The following WDR43 variants were observed in gnomAD, a reference collection of about 807,000 sequenced individuals.
WDR43 encodes the protein WD repeat-containing protein 43.
In WDR43, 13 loss-of-function variants were observed where a neutral mutation model predicts 91.4. The observed-to-expected ratio is 0.14, with a 90% CI of 0.09 to 0.23. WDR43 has a LOEUF of 0.23. Ranked by LOEUF, WDR43 falls within the 10% of genes least tolerant of loss-of-function variation. The probability of loss-of-function intolerance (pLI) is 1.00; values close to 1 mark genes in which losing one functional copy is unlikely to be tolerated. For synonymous variants in WDR43, 331 were observed against 287.9 expected (o/e 1.15, Z -1.51); for missense variants, 780 against 809.4 (o/e 0.96, Z 0.44).
intron 16 of WDR43, among the ~76,000 whole-genome samples, chr2:28,943,963 G>A (rs2148201666): frequency 6.6e-6 from 1 of 152,260 alleles, no homozygotes; most frequent in South Asian, 2.1e-4. Context: ...ATCAAGTGCA[G>A]TCCCAAAGTG....
intron 5 of WDR43, among the ~76,000 whole-genome samples, chr2:28,917,597 T>G (rs1670937543): frequency 6.6e-6 from 1 of 152,202 alleles, no homozygotes; most frequent in South Asian, 2.1e-4. Context: ...ATCATGACAG[T>G]GTGGTATTAG....
At chr2:28,919,790 C>A (rs538767101) in intron 6 of WDR43, among the ~76,000 whole-genome samples, 2 of 152,156 alleles carry the variant, frequency 1.3e-5, no homozygotes, top group African/African-American at 4.8e-5. Flanking sequence ...ATATTCTGAT[C>A]GTAGGGAACT....
intron 11 of WDR43, among the ~76,000 whole-genome samples, chr2:28,933,819 C>T (rs532283811): frequency 1.3e-5 from 2 of 152,082 alleles, no homozygotes; most frequent in African/African-American, 2.4e-5. Flanking sequence ...GATAAAAATG[C>T]GAAAGACAGA....
chr2:28,907,508 G>A (rs1443262065), intron 3 of WDR43, among the ~76,000 whole-genome samples: 2 of 149,768 alleles, frequency 1.3e-5, no homozygotes, highest in South Asian at 2.1e-4. Flanking sequence ...CCCCAGATAC[G>A]AGTCTGAAGT....
At chr2:28,936,024 G>T (rs1481969745) in intron 12 of WDR43, among the ~76,000 whole-genome samples, 2 of 152,092 alleles carry the variant, frequency 1.3e-5, no homozygotes, top group East Asian at 3.9e-4. Context: ...ATTTTTATAT[G>T]TATTGATTTT....
intron 7 of WDR43, 81 bp downstream of exon 7, chr2:28,923,064 T>A (rs1336943758): frequency 8.6e-7 from 1 of 1,167,680 alleles, no homozygotes; most frequent in Non-Finnish European, 1.2e-6. Flanking sequence ...TGGTTATTCT[T>A]TGCATCATAT....
chr2:28,937,384 A>T (rs911698109), intron 13 of WDR43, among the ~76,000 whole-genome samples: 1 of 151,888 alleles, frequency 6.6e-6, no homozygotes, highest in Non-Finnish European at 1.5e-5. Context: ...TATTATCATC[A>T]GTATCTAGAT....
intron 4 of WDR43, 71 bp downstream of exon 4, chr2:28,912,781 C>T (rs1441520587): frequency 6.4e-7 from 1 of 1,552,478 alleles, no homozygotes; most frequent in South Asian, 1.2e-5. Context: ...AAGTTTGAAC[C>T]ATAAGATATT....
At chr2:28,944,771 G>A (rs533519606) in intron 16 of WDR43, among the ~76,000 whole-genome samples, 40 of 152,324 alleles carry the variant, frequency 2.6e-4, no homozygotes, top group African/African-American at 8.7e-4. Flanking sequence ...TGCAACATTC[G>A]ATTTGATAAC....
chr2:28,929,559 C>T lies in WDR43; in HGVS notation c.1306-20C>T, dbSNP rs368090937. The T allele has an allele frequency of 4.5e-6, 7 of 1,562,184 alleles. No homozygotes were observed. In the South Asian group the frequency reaches 6.2e-5, roughly 14 times the overall value. On this transcript the variant is annotated intron_variant, in intron 10 of 17. Coordinates refer to ENST00000407426, the MANE Select transcript of WDR43 (RefSeq NM_015131.3). ...TAAGTCTTGTCTGGTAACACATTAA[C>T]AATCCTTTCTGTTCTGTAGGTTAGC... is the stretch of plus-strand genomic sequence containing the variant.
intron 3 of WDR43, among the ~76,000 whole-genome samples, chr2:28,911,629 G>C (rs1225982419): frequency 2.8e-5 from 4 of 144,828 alleles, no homozygotes; most frequent in African/African-American, 5.1e-5. Flanking sequence ...GGTTCCTACT[G>C]TTACTTGCCT....
At chr2:28,913,892 G>A (rs1482328591) in intron 4 of WDR43, 177 bp from the exon 5 acceptor site, 1 of 798,500 alleles carries the variant, frequency 1.3e-6, no homozygotes, top group Non-Finnish European at 2.0e-6. Flanking sequence ...TTTTTAAAAA[G>A]TGGGAGAATT....
chr2:28,927,780 G>T, intron 10 of WDR43, 80 bp downstream of exon 10: 1 of 1,560,576 alleles, frequency 6.4e-7, no homozygotes, highest in Non-Finnish European at 8.7e-7. Context: ...GTTGGATAGA[G>T]CCAAAGTTAA....
At chr2:28,916,665 C>T (rs548327285) in intron 5 of WDR43, among the ~76,000 whole-genome samples, 7 of 152,176 alleles carry the variant, frequency 4.6e-5, no homozygotes, top group East Asian at 1.9e-4. Context: ...ATCCCTATAT[C>T]GGTTCTCGTT....
chr2:28,923,068 A>G (rs1390079930), intron 7 of WDR43, 85 bp downstream of exon 7: 6 of 1,129,538 alleles, frequency 5.3e-6, no homozygotes, highest in Non-Finnish European at 3.8e-6. Context: ...TATTCTTTGC[A>G]TCATATTACT....
intron 6 of WDR43, 56 bp downstream of exon 6, chr2:28,918,051 C>T (rs1670950056): frequency 1.4e-6 from 2 of 1,424,702 alleles, no homozygotes; most frequent in Non-Finnish European, 1.9e-6. Context: ...GTTATTTTTA[C>T]AGTCAAGGTT....
chr2:28,934,023 T>G (rs1462124086), intron 11 of WDR43, among the ~76,000 whole-genome samples: 1 of 152,178 alleles, frequency 6.6e-6, no homozygotes, highest in East Asian at 1.9e-4. Flanking sequence ...ATACAAAGAC[T>G]TCCTCATGAA....
chr2:28,907,350 C>G (rs932868932), intron 3 of WDR43, among the ~76,000 whole-genome samples: 1 of 150,514 alleles, frequency 6.6e-6, no homozygotes, highest in Non-Finnish European at 1.5e-5. Context: ...TGGCCAAGTG[C>G]AGTGGCTCAT....
chr2:28,934,869 A>G (rs1476387078), intron 11 of WDR43, among the ~76,000 whole-genome samples: 2 of 152,194 alleles, frequency 1.3e-5, no homozygotes, highest in Non-Finnish European at 2.9e-5. Flanking sequence ...AAACCCTTTC[A>G]AAAGGACCCT....
Sources: allele counts gnomAD v4.1 joint callset (sites outside exome capture counted in the v4.1 genomes callset), GRCh38; gene constraint gnomAD v4.1.1; transcripts MANE v1.5; gene names NCBI Gene and HGNC (gene_info 2026-07-23, HGNC 2026-07-21).